Variants in INSR observed in about 807,000 individuals in gnomAD.
INSR encodes the protein IR.
A neutral mutation model predicts 142.6 loss-of-function variants in INSR; 67 were observed. The observed-to-expected ratio is 0.47, with a 90% confidence interval of 0.39 to 0.58. The LOEUF (loss-of-function observed/expected upper bound fraction) is 0.58, where lower values mean the gene tolerates loss of function less well. INSR is among the 20% of genes least tolerant of loss of function. The pLI is 0.00. For synonymous variants in INSR, 756 were observed against 743.1 expected (o/e 1.02, Z -0.28); for missense variants, 1,248 against 1,833.2 (o/e 0.68, Z 5.83).
At chr19:7,172,491 T>A in intron 4 of INSR, 57 bp from the exon 5 acceptor site, 5 of 1,558,438 alleles carry the variant, frequency 3.2e-6, no homozygotes, top group Non-Finnish European at 3.5e-6. Context: ...AATCTTCTCA[T>A]GATTCTCCAT....
At chr19:7,120,333 T>A (rs982637553) in intron 20 of INSR, among the ~76,000 whole-genome samples, 1 of 152,232 alleles carries the variant, frequency 6.6e-6, no homozygotes, top group African/African-American at 2.4e-5. Flanking sequence ...CTTGGGCACC[T>A]GTCCTCAGGA....
At chr19:7,244,684 A>G (rs1391826472) in intron 2 of INSR, among the ~76,000 whole-genome samples, 1 of 152,114 alleles carries the variant, frequency 6.6e-6, no homozygotes, top group East Asian at 1.9e-4. Context: ...TCCTAATGTA[A>G]CATTATAGAC....
chr19:7,129,135 G>T (rs1308654931), intron 14 of INSR, among the ~76,000 whole-genome samples, 181 bp from the exon 15 acceptor site: 1 of 151,978 alleles, frequency 6.6e-6, no homozygotes, highest in African/African-American at 2.4e-5. Context: ...AGTCCCGTAG[G>T]TGCAGTGGGA....
intron 2 of INSR, among the ~76,000 whole-genome samples, chr19:7,218,421 G>T (rs985144689): frequency 6.6e-6 from 1 of 152,138 alleles, no homozygotes; most frequent in South Asian, 2.1e-4. Context: ...AAAAGGGGCA[G>T]ACCTGGGGTT....
chr19:7,132,660 C>T (rs1275656253), intron 13 of INSR, among the ~76,000 whole-genome samples: 2 of 151,128 alleles, frequency 1.3e-5, no homozygotes, highest in African/African-American at 4.9e-5. Flanking sequence ...GGCTTAATCT[C>T]GGCTCACTGC....
At chr19:7,149,065 G>A (rs375878676) in intron 11 of INSR, among the ~76,000 whole-genome samples, 1 of 152,072 alleles carries the variant, frequency 6.6e-6, no homozygotes, top group Non-Finnish European at 1.5e-5. Flanking sequence ...GCGTCACCAC[G>A]CCCAGCTAAT....
At chr19:7,191,928 GGGAA>G (rs59709595) in intron 2 of INSR, among the ~76,000 whole-genome samples, 33,171 of 141,236 alleles carry the variant, frequency 0.23, 4,327 homozygotes, top group East Asian at 0.43. Context: ...GAAAGAAGGA[GGGAA>G]GGAAGGAAGG....
chr19:7,260,208 T>A (rs1977015596), intron 2 of INSR, among the ~76,000 whole-genome samples: 1 of 152,096 alleles, frequency 6.6e-6, no homozygotes, highest in Non-Finnish European at 1.5e-5. Flanking sequence ...AGCTGTAATC[T>A]CAGACCCAGG....
intron 13 of INSR, among the ~76,000 whole-genome samples, chr19:7,137,798 CAAAAAAAA>C (rs1176523364): frequency 2.4e-5 from 1 of 41,482 alleles, no homozygotes; most frequent in African/African-American, 1.0e-4. Context: ...GACTCCATCT[CAAAAAAAA>C]AAAAAAAAAA....
rs1010354694 is a variant in INSR, at chr19:7,225,591, C to T, written c.653-40954G>A. 2.6e-5 allele frequency among the ~76,000 whole-genome samples: 4 copies of T among 152,184 alleles called. No individual in the cohort carries two copies. Among genetic ancestry groups the T allele is most frequent in the African/African-American group, 9.7e-5 (4 of 41,416 alleles). On this transcript the variant is annotated intron_variant, in intron 2 of 21. Coordinates refer to ENST00000302850, the MANE Select transcript of INSR (RefSeq NM_000208.4). The surrounding 1 kb of genome is among the most constrained non-coding windows in gnomAD (Gnocchi z 4.7). ...TTCATTAAATGACTATCATCATATT[C>T]CTCCAGATTCCTTGGTCCCCCAAGT...
chr19:7,219,921 A>AAC (rs1555754644), intron 2 of INSR, among the ~76,000 whole-genome samples: 1 of 1,078 alleles, frequency 9.3e-4, no homozygotes. Context: ...GCAAGGAAAA[A>AAC]TCTCTCTATC....
chr19:7,257,490 T>C (rs1164812695), intron 2 of INSR, among the ~76,000 whole-genome samples: 1 of 139,946 alleles, frequency 7.1e-6, no homozygotes, highest in Non-Finnish European at 1.5e-5. Context: ...CCTTGCCTTG[T>C]ACATATACTG....
chr19:7,119,057 C>A lies in INSR; in HGVS notation c.3794+392G>T, dbSNP rs1240899506. Among the ~76,000 whole-genome samples, 1 of 151,906 alleles carries A rather than the reference C, an allele frequency of 6.6e-6. No homozygotes were observed. The highest frequency in any genetic ancestry group is 1.5e-5 in the Non-Finnish European group (1 of 67,994). On this transcript the variant is annotated intron_variant, in intron 21 of 21. Transcript: ENST00000302850. This position sits in a 1 kb window ranked among gnomAD's most constrained non-coding sequence, Gnocchi z 5.2. Reference sequence around the variant, plus strand: ...CCAAAGATACAATATGCAAGAAAATCATATGATTTGTGAACACAAGCAGGC... The same window carrying A: ...CCAAAGATACAATATGCAAGAAAATAATATGATTTGTGAACACAAGCAGGC...
At chr19:7,241,368 G>C (rs184080757) in intron 2 of INSR, among the ~76,000 whole-genome samples, 25 of 152,028 alleles carry the variant, frequency 1.6e-4, no homozygotes, top group African/African-American at 4.8e-4. Context: ...TTTTGGTAGA[G>C]ATGGGGTCTT....
In INSR at chr19:7,168,751, C is replaced by A. The variant is rs756191339; in HGVS notation, c.1484-657G>T. Among the ~76,000 whole-genome samples the A allele has an allele frequency of 1.3e-5, 2 of 150,868 alleles. No homozygotes were observed. The highest frequency in any genetic ancestry group is 4.2e-4 in the South Asian group (2 of 4,760). On this transcript the variant is annotated intron_variant, in intron 6 of 21. Transcript: ENST00000302850. The surrounding 1 kb of genome is among the most constrained non-coding windows in gnomAD (Gnocchi z 4.3). ...AGCTGGGATTACAGGCACCCACCACCACGTCCAGCTAGTTTTTGTATTTTT... is the reference window on the plus strand; with the variant it reads ...AGCTGGGATTACAGGCACCCACCACAACGTCCAGCTAGTTTTTGTATTTTT...
At chr19:7,202,203 G>A (rs1375990757) in intron 2 of INSR, among the ~76,000 whole-genome samples, 1 of 152,132 alleles carries the variant, frequency 6.6e-6, no homozygotes, top group African/African-American at 2.4e-5. Context: ...GTGGGTTGTG[G>A]CCACCCTACT....
chr19:7,237,061 G>A (rs909956102), intron 2 of INSR, among the ~76,000 whole-genome samples: 1 of 151,682 alleles, frequency 6.6e-6, no homozygotes, highest in Non-Finnish European at 1.5e-5. Flanking sequence ...TAGACTTTGG[G>A]GACTCAGGGG....
chr19:7,221,709 G>GA lies in INSR; in HGVS notation c.653-37073dup, dbSNP rs200900445. Reference sequence around the variant, plus strand: ...GGCTACAGAGTGAGATTCCATCTCAGAAAAAAAAAAAAAGAGATCCCTCCT... The same window carrying GA: ...GGCTACAGAGTGAGATTCCATCTCAGAAAAAAAAAAAAAAGAGATCCCTCCT... On this transcript the variant is annotated intron_variant, in intron 2 of 21. Transcript: ENST00000302850. Among the ~76,000 whole-genome samples the GA allele has an allele frequency of 3.3e-3, 459 of 137,360 alleles. 9 individuals are homozygous for GA. In the East Asian group the frequency reaches 0.048, roughly 14 times the overall value. 90.1% of individuals were successfully genotyped at this position (137,360 alleles called of 152,430 possible).
chr19:7,154,879 G>A (rs531074424), intron 9 of INSR, among the ~76,000 whole-genome samples: 2 of 151,918 alleles, frequency 1.3e-5, no homozygotes, highest in Non-Finnish European at 2.9e-5. Context: ...AGCCGAGATT[G>A]AGCCATTGCA....
Sources: allele counts gnomAD v4.1 joint callset (sites outside exome capture counted in the v4.1 genomes callset), GRCh38; gene constraint gnomAD v4.1.1; non-coding constraint Gnocchi (gnomAD v3.1); transcripts MANE v1.5; gene names NCBI Gene and HGNC (gene_info 2026-07-23, HGNC 2026-07-21).